GLDC: variants seen among roughly 807,000 people sequenced by gnomAD.
GLDC encodes glycine dehydrogenase (decarboxylating), mitochondrial.
GLDC carries 104 observed loss-of-function variants against 121.3 expected under a neutral mutation model. The observed-to-expected ratio is 0.86, with a 90% CI of 0.73 to 1.01. The LOEUF (loss-of-function observed/expected upper bound fraction) is 1.01, where lower values mean the gene tolerates loss of function less well. Ranked by LOEUF, GLDC falls within the 50% of genes least tolerant of loss-of-function variation. GLDC has a pLI of 0.00. For synonymous variants in GLDC, 546 were observed against 480.6 expected (o/e 1.14, Z -1.78); for missense variants, 1,429 against 1,306.6 (o/e 1.09, Z -1.44).
rs541830167 is a variant in GLDC at position 6,604,797 on chromosome 9, T to C, written c.862-13A>G. On this transcript the variant is annotated splice_polypyrimidine_tract_variant and intron_variant, in intron 6 of 24. Coordinates refer to ENST00000321612, the MANE Select transcript of GLDC (RefSeq NM_000170.3). ...AGCAGGCCAGGCTCTAGAAAGGAAG[T>C]GAGAGAAAAGGAACAAGGTTGCTAC... The C allele has an allele frequency of 1.9e-5, 31 of 1,610,124 alleles. No individual in the cohort carries two copies. The highest frequency in any genetic ancestry group is 2.5e-5 in the Non-Finnish European group (29 of 1,176,538).
rs1376845853 is a variant in GLDC at position 6,645,311 on chromosome 9, G to A, written c.189C>T (p.Phe63=). Residue 63 remains phenylalanine (F), a synonymous_variant, in exon 1 of 25, where the codon TTC becomes TTT. Coordinates refer to ENST00000321612, the MANE Select transcript of GLDC (RefSeq NM_000170.3). ...LERLLPRHDD[F]ARRHIGPGDK... is the part of the protein sequence containing the mutation. The stretch of plus-strand genomic sequence containing the variant: ...CCCCAGGGCCGATGTGCCTCCGAGC[G>A]AAGTCGTCGTGTCTGGGCAGAAGGC... The A allele has an allele frequency of 1.3e-6, 2 of 1,594,988 alleles. No homozygotes were observed. Among genetic ancestry groups the A allele is most frequent in the South Asian group, 1.1e-5 (1 of 88,222 alleles).
Position 6,645,419 on chromosome 9 carries a change from C to T in GLDC, c.81G>A (p.Gly27=), listed in dbSNP as rs1457809070. 6 of 1,339,068 alleles carry T rather than the reference C, an allele frequency of 4.5e-6. No individual in the cohort carries two copies. Among genetic ancestry groups the T allele is most frequent in the Non-Finnish European group, 5.7e-6 (6 of 1,049,536 alleles). 82.9% of individuals were successfully genotyped at this position (1,339,068 alleles called of 1,614,324 possible). A position where few individuals can be genotyped will look rare whatever the true frequency, so the allele number is the denominator to read the frequency against. ...CCCGGCTCCGCGGCGCCCAGCACGG[C>T]CCCGATCCCCCAGCCAGGCGGCGGC... ...GGGRRLAGGS[G]PCWAPRSRDS... Residue 27 remains glycine (G), a synonymous_variant, in exon 1 of 25, where the codon GGG becomes GGA. Transcript: ENST00000321612.
intron 7 of GLDC, 131 bp downstream of exon 7, chr9:6,604,456 AT>A (rs371457114): frequency 1.2e-5 from 10 of 837,976 alleles, no homozygotes; most frequent in African/African-American, 1.2e-4. Context: ...GTTCTTCTGA[AT>A]CTATGTTGTA....
chr9:6,616,534 A>G (rs933639926), intron 3 of GLDC, among the ~76,000 whole-genome samples: 17 of 152,216 alleles, frequency 1.1e-4, no homozygotes, highest in African/African-American at 4.1e-4. Flanking sequence ...TGGATCTGAG[A>G]GATGACAAAT....
At chr9:6,609,541 C>T (rs1818806125) in intron 4 of GLDC, among the ~76,000 whole-genome samples, 1 of 152,044 alleles carries the variant, frequency 6.6e-6, no homozygotes, top group Middle Eastern at 3.2e-3. Flanking sequence ...AACGGAGAGG[C>T]TCCCGGGCAC....
intron 21 of GLDC, among the ~76,000 whole-genome samples, chr9:6,546,598 C>G (rs1332826700): frequency 6.6e-6 from 1 of 152,094 alleles, no homozygotes; most frequent in East Asian, 1.9e-4. Context: ...TGGAATACCT[C>G]CTGAAGGACC....
chr9:6,580,508 CG>C (rs1563845808), intron 15 of GLDC, among the ~76,000 whole-genome samples: 1 of 152,046 alleles, frequency 6.6e-6, no homozygotes, highest in Non-Finnish European at 1.5e-5. Context: ...CATACCTTAC[CG>C]TAAGCTGTCA....
intron 15 of GLDC, among the ~76,000 whole-genome samples, chr9:6,580,709 T>C (rs181877232): frequency 7.2e-4 from 109 of 152,326 alleles, no homozygotes; most frequent in African/African-American, 2.6e-3. Flanking sequence ...GCCATAGTTA[T>C]TGGCTTCTGT....
At chr9:6,610,076 AAAGTCATACTCTAGAAAGCTGAC>A in intron 4 of GLDC, 93 bp downstream of exon 4, 2 of 813,584 alleles carry the variant, frequency 2.5e-6, no homozygotes, top group Non-Finnish European at 4.0e-6. Flanking sequence ...GTTTCTCTGA[AAAGTCATACTCTAGAAAGCTGAC>A]TAAAGTAATA....
At chr9:6,635,258 A>G (rs1400660683) in intron 2 of GLDC, among the ~76,000 whole-genome samples, 1 of 152,098 alleles carries the variant, frequency 6.6e-6, no homozygotes, top group Non-Finnish European at 1.5e-5. Flanking sequence ...TCTACATCTG[A>G]CTCTCAATAA....
At chr9:6,619,670 G>C (rs1819042426) in intron 3 of GLDC, among the ~76,000 whole-genome samples, 1 of 152,228 alleles carries the variant, frequency 6.6e-6, no homozygotes, top group Non-Finnish European at 1.5e-5. Flanking sequence ...AGAGGTTGCA[G>C]TGAGCCAAGA....
intron 8 of GLDC, among the ~76,000 whole-genome samples, chr9:6,601,768 G>A (rs780609224): frequency 2.0e-5 from 3 of 151,978 alleles, no homozygotes; most frequent in Admixed American, 6.6e-5. Flanking sequence ...GGGACTACAG[G>A]AGCATACCAC....
Position 6,556,486 on chromosome 9 carries a change from C to A in GLDC, c.2053-184G>T, listed in dbSNP as rs76635980. ...CACAGCCATTACTCCCTTCACAAATCATTCCAAAGAAATAATAAGATCCTG... is the reference window on the plus strand; with the variant it reads ...CACAGCCATTACTCCCTTCACAAATAATTCCAAAGAAATAATAAGATCCTG... On this transcript the variant is annotated intron_variant, in intron 17 of 24. Transcript: ENST00000321612. Among the ~76,000 whole-genome samples, 1,378 of 152,282 alleles carry A rather than the reference C, an allele frequency of 9.0e-3. 19 individuals are homozygous for A. The highest frequency in any genetic ancestry group is 0.031 in the African/African-American group (1,286 of 41,566).
At chr9:6,565,965 G>C (rs900118175) in intron 15 of GLDC, 1 of 194,620 alleles carries the variant, frequency 5.1e-6, no homozygotes, top group Non-Finnish European at 1.1e-5. Context: ...CTACAGGCCG[G>C]GTGCAATGGC....
At chr9:6,534,125 T>G (rs1478382008) in intron 24 of GLDC, 1 of 134,146 alleles carries the variant, frequency 7.5e-6, no homozygotes, top group Non-Finnish European at 1.5e-5. Context: ...GAGAATGGCG[T>G]GAACCCAGGA....
intron 1 of GLDC, chr9:6,644,947 G>T: frequency 1.6e-6 from 1 of 611,586 alleles, no homozygotes; most frequent in Non-Finnish European, 2.9e-6. Flanking sequence ...TCTTAATCAG[G>T]GGGTCTTCCT....
Position 6,592,929 on chromosome 9 carries a change from C to G in GLDC, c.1323G>C (p.Gln441His), listed in dbSNP as rs1062458. 1.6e-5 allele frequency: 26 copies of G among 1,613,968 alleles called. No homozygotes were observed. The highest frequency in any genetic ancestry group is 2.0e-5 in the Non-Finnish European group (24 of 1,179,904). Reference protein sequence around the residue: ...HDLFFDTLKIQCGCSVKEVLG... With the variant: ...HDLFFDTLKIHCGCSVKEVLG... The stretch of plus-strand genomic sequence containing the variant: ...AGACCTCCTTCACTGAGCAGCCACA[C>G]TGAATCTTCAAGGTATCAAAGAACA... The change falls in exon 10 of 25, where the codon CAG (glutamine) becomes CAC (histidine). Residue 441 changes from glutamine to histidine, a missense_variant. Coordinates refer to ENST00000321612, the MANE Select transcript of GLDC (RefSeq NM_000170.3).
intron 2 of GLDC, among the ~76,000 whole-genome samples, chr9:6,643,609 T>A (rs1819672675): frequency 6.6e-6 from 1 of 151,694 alleles, no homozygotes; most frequent in Admixed American, 6.6e-5. Context: ...AATACCCACA[T>A]AAAAATACCC....
chr9:6,550,841 A>C lies in GLDC; in HGVS notation c.2531T>G (p.Leu844Ter), dbSNP rs770743220. 6.2e-7 allele frequency: 1 copy of C among 1,613,456 alleles called. No individual in the cohort carries two copies. The highest frequency in any genetic ancestry group is 1.1e-5 in the South Asian group (1 of 91,076). The change falls in exon 21 of 25, where the codon TTA (leucine) becomes TGA (stop). Residue 844 changes from leucine to a stop codon, truncating the protein, a stop_gained. Coordinates refer to ENST00000321612, the MANE Select transcript of GLDC (RefSeq NM_000170.3). LOFTEE classifies it high-confidence loss of function. ...GAAAAGAATTCTGTAGTGTGTTTCT[A>C]ATCGCTTGGCCATGTAGTTGGCATT... ...ILNANYMAKR[L>*]ETHYRILFRG...
Sources: gnomAD v4.1 joint callset for allele counts (sites outside exome capture counted in the v4.1 genomes callset) on GRCh38, gnomAD v4.1.1 for gene constraint, MANE v1.5 for transcripts, NCBI Gene and HGNC (gene_info 2026-07-23, HGNC 2026-07-21) for gene names.